Variants in PRELID2 observed in about 807,000 individuals in gnomAD.
The protein encoded by PRELID2 is PRELI domain-containing protein 2.
PRELID2 carries 25 observed loss-of-function variants against 28.4 expected under a neutral mutation model. The ratio of observed to expected loss-of-function variants is 0.88; its 90% CI spans 0.64 to 1.23. The LOEUF (loss-of-function observed/expected upper bound fraction) is 1.23, where lower values mean the gene tolerates loss of function less well. Among genes scored for constraint, PRELID2 ranks in the 50% most tolerant of loss-of-function variants. PRELID2 has a pLI of 0.00. For synonymous variants in PRELID2, 76 were observed against 71.6 expected (o/e 1.06, Z -0.31); for missense variants, 201 against 214.4 (o/e 0.94, Z 0.39).
chr5:145,701,246 A>G (rs1755400093), intron 1 of PRELID2, among the ~76,000 whole-genome samples: 1 of 152,178 alleles, frequency 6.6e-6, no homozygotes, highest in Non-Finnish European at 1.5e-5. Flanking sequence ...CAACAGAGGA[A>G]GCATGCTTAA....
At chr5:145,266,932 G>A in the PRELID2 span, among the ~76,000 whole-genome samples, 1 of 152,134 alleles carries the variant, frequency 6.6e-6, no homozygotes, top group East Asian at 1.9e-4. Context: ...ACTCGGTAAT[G>A]GAAAACCAAA....
At chr5:145,410,565 GGAGA>G in the PRELID2 span, among the ~76,000 whole-genome samples, 1 of 152,116 alleles carries the variant, frequency 6.6e-6, no homozygotes, top group Non-Finnish European at 1.5e-5. Context: ...CAGAGTGGTA[GGAGA>G]GAGAATGAGT....
the PRELID2 span, among the ~76,000 whole-genome samples, chr5:145,352,050 T>C: frequency 6.6e-6 from 1 of 152,156 alleles, no homozygotes. Context: ...ACGTTGAATG[T>C]CTGTGGCTTT....
In PRELID2 at chr5:145,821,167, GTGTGTGTGTGTGTGTAAGTCCTCTTC is replaced by G. The variant is rs1045880955; in HGVS notation, c.134-1175_134-1150del. Among the ~76,000 whole-genome samples the G allele has an allele frequency of 1.1e-4, 11 of 97,256 alleles. No individual in the cohort carries two copies. In the South Asian group the frequency reaches 1.9e-3, roughly 17 times the overall value. 63.8% of individuals were successfully genotyped at this position (97,256 alleles called of 152,430 possible). ...AACTCTCCTGGGTGTGTGTGTGTGT[GTGTGTGTGTGTGTGTAAGTCCTCTTC>G]TGTGTGTGTGTGTGTAAGTCCTCTT... is the stretch of plus-strand genomic sequence containing the variant. On this transcript the variant is annotated intron_variant, in intron 2 of 6. Transcript: ENST00000683046.
At chr5:145,277,896 T>G in the PRELID2 span, among the ~76,000 whole-genome samples, 1 of 152,172 alleles carries the variant, frequency 6.6e-6, no homozygotes, top group Non-Finnish European at 1.5e-5. Context: ...TGGCCTTCTA[T>G]TCTCACACTA....
chr5:145,425,312 G>A, the PRELID2 span, among the ~76,000 whole-genome samples: 10 of 152,310 alleles, frequency 6.6e-5, no homozygotes, highest in Admixed American at 1.3e-4. Context: ...TGGTGGAAGT[G>A]TAAATTTATT....
chr5:145,512,800 A>G (rs1416635228), intron 1 of PRELID2, among the ~76,000 whole-genome samples: 1 of 152,140 alleles, frequency 6.6e-6, no homozygotes, highest in Non-Finnish European at 1.5e-5. Flanking sequence ...CAGGAAGCAA[A>G]CTTTGCTGTT....
the PRELID2 span, among the ~76,000 whole-genome samples, chr5:145,431,576 G>A: frequency 6.6e-6 from 1 of 152,176 alleles, no homozygotes; most frequent in African/African-American, 2.4e-5. Flanking sequence ...CCACCTGATA[G>A]GATGCAGCAA....
At chr5:145,323,404 T>C in the PRELID2 span, among the ~76,000 whole-genome samples, 1 of 152,148 alleles carries the variant, frequency 6.6e-6, no homozygotes, top group Non-Finnish European at 1.5e-5. Flanking sequence ...AGGGAAGATA[T>C]GTGATCAGAC....
At chr5:145,600,434 A>AAAAAATATATAT (rs1315631607) in intron 1 of PRELID2, among the ~76,000 whole-genome samples, 29 of 120,096 alleles carry the variant, frequency 2.4e-4, no homozygotes, top group African/African-American at 1.2e-3. Context: ...AAAAAAAAAA[A>AAAAAATATATAT]ATATATATAT....
the PRELID2 span, among the ~76,000 whole-genome samples, chr5:145,276,326 T>C: frequency 1.3e-5 from 2 of 152,154 alleles, no homozygotes; most frequent in Admixed American, 6.6e-5. Flanking sequence ...TCTAAGTTGC[T>C]GTTCTCTCTT....
At chr5:145,720,931 A>G (rs944733151) in intron 1 of PRELID2, among the ~76,000 whole-genome samples, 1 of 152,106 alleles carries the variant, frequency 6.6e-6, no homozygotes, top group Non-Finnish European at 1.5e-5. Flanking sequence ...GTTTTTGTTT[A>G]TGTGAGTTAT....
At chr5:145,373,903 T>TATATA in the PRELID2 span, among the ~76,000 whole-genome samples, 2 of 130,816 alleles carry the variant, frequency 1.5e-5, no homozygotes, top group Non-Finnish European at 3.1e-5. Context: ...TATTACAACA[T>TATATA]ATATAATATA....
At chr5:145,665,989 A>T (rs1171112968) in intron 1 of PRELID2, among the ~76,000 whole-genome samples, 2 of 138,522 alleles carry the variant, frequency 1.4e-5, no homozygotes, top group South Asian at 4.2e-4. Flanking sequence ...TTTTTTTTAA[A>T]AAAAAAAAAA....
At chr5:145,644,672 A>G (rs890983417) in intron 1 of PRELID2, among the ~76,000 whole-genome samples, 1 of 152,074 alleles carries the variant, frequency 6.6e-6, no homozygotes, top group Non-Finnish European at 1.5e-5. Flanking sequence ...ATTTCCCTTT[A>G]TGCGTTGCTT....
intron 1 of PRELID2, among the ~76,000 whole-genome samples, chr5:145,480,120 AT>A (rs1188001173): frequency 7.9e-5 from 12 of 152,222 alleles, no homozygotes; most frequent in African/African-American, 2.7e-4. Flanking sequence ...AAGTTGCTCA[AT>A]TTACCCAGTT....
chr5:145,755,692 G>A (rs1321502359), downstream of PRELID2, among the ~76,000 whole-genome samples: 2 of 152,096 alleles, frequency 1.3e-5, no homozygotes, highest in Non-Finnish European at 2.9e-5. Context: ...ATTTTCCTAT[G>A]AACTTTTTAA....
intron 5 of PRELID2, chr5:145,795,656 G>A (rs1468671033): frequency 6.6e-6 from 1 of 152,096 alleles, no homozygotes; most frequent in South Asian, 2.1e-4. Flanking sequence ...GGAAATAAAT[G>A]AGTATAATTA....
At chr5:145,599,055 A>G (rs1753351083) in intron 1 of PRELID2, among the ~76,000 whole-genome samples, 1 of 152,142 alleles carries the variant, frequency 6.6e-6, no homozygotes, top group Non-Finnish European at 1.5e-5. Flanking sequence ...TCAACTAATC[A>G]TGGACCCCAA....
Sources: gnomAD v4.1 joint callset for allele counts (sites outside exome capture counted in the v4.1 genomes callset) on GRCh38, gnomAD v4.1.1 for gene constraint, MANE v1.5 for transcripts, NCBI Gene and HGNC (gene_info 2026-07-23, HGNC 2026-07-21) for gene names.